Variants in TMEM135 observed in about 807,000 individuals in gnomAD.
TMEM135 encodes transmembrane protein 135.
TMEM135 carries 30 observed loss-of-function variants against 60.3 expected under a neutral mutation model. That is an observed-to-expected ratio of 0.50 (90% CI 0.37 to 0.68). TMEM135 has a LOEUF of 0.68. TMEM135 is among the 30% of genes least tolerant of loss of function. The probability of loss-of-function intolerance (pLI) is 0.00; values close to 1 mark genes in which losing one functional copy is unlikely to be tolerated. For missense variants in TMEM135, 468 were observed against 548.8 expected, an observed-to-expected ratio of 0.85 and a Z score of 1.47; for synonymous variants, 190 against 186.7, an observed-to-expected ratio of 1.02 and a Z score of -0.14.
At chr11:87,286,634 G>A (rs145392413) in intron 6 of TMEM135, among the ~76,000 whole-genome samples, 4 of 152,322 alleles carry the variant, frequency 2.6e-5, no homozygotes, top group Middle Eastern at 3.4e-3. Flanking sequence ...GGTGGGGCTC[G>A]GGCATGGTGG....
chr11:87,268,414 C>T (rs1941797246), intron 6 of TMEM135, among the ~76,000 whole-genome samples: 1 of 151,866 alleles, frequency 6.6e-6, no homozygotes, highest in African/African-American at 2.4e-5. Context: ...CCATGCCAGG[C>T]CCCTGCTCCT....
intron 6 of TMEM135, among the ~76,000 whole-genome samples, chr11:87,249,036 G>A (rs949474945): frequency 3.3e-5 from 5 of 152,096 alleles, no homozygotes; most frequent in African/African-American, 7.2e-5. Flanking sequence ...TCTATCATCT[G>A]CAAAGAAGGA....
intron 6 of TMEM135, among the ~76,000 whole-genome samples, chr11:87,238,607 A>C (rs1941059133): frequency 6.6e-6 from 1 of 151,978 alleles, no homozygotes; most frequent in Admixed American, 6.6e-5. Context: ...TCTTTCCTAT[A>C]TTTTAATAAT....
intron 10 of TMEM135, 32 bp from the exon 11 acceptor site, chr11:87,313,393 A>C (rs1275836612): frequency 4.5e-6 from 7 of 1,550,562 alleles, no homozygotes; most frequent in Non-Finnish European, 5.3e-6. Context: ...GAAATAAAAT[A>C]ACTGAAGTCA....
At chr11:87,046,139 C>G (rs572745974) in intron 1 of TMEM135, among the ~76,000 whole-genome samples, 1 of 152,306 alleles carries the variant, frequency 6.6e-6, no homozygotes, top group South Asian at 2.1e-4. Flanking sequence ...GGCATGGTGG[C>G]TCATGCCTGT....
intron 8 of TMEM135, among the ~76,000 whole-genome samples, chr11:87,304,681 A>G (rs1014150094): frequency 6.6e-6 from 1 of 152,214 alleles, no homozygotes; most frequent in South Asian, 2.1e-4. Flanking sequence ...ATTTCTGTAA[A>G]GGTCTTGCTA....
chr11:87,252,272 C>A (rs192619568), intron 6 of TMEM135, among the ~76,000 whole-genome samples: 10 of 151,704 alleles, frequency 6.6e-5, no homozygotes, highest in African/African-American at 2.2e-4. Context: ...AAACTCTGGT[C>A]CATAATGTCA....
chr11:87,045,409 C>T (rs1363785192), intron 1 of TMEM135, among the ~76,000 whole-genome samples: 1 of 152,092 alleles, frequency 6.6e-6, no homozygotes, highest in Admixed American at 6.5e-5. Context: ...TAGCATGTCG[C>T]TTCCAGTTGA....
chr11:87,283,867 A>G lies in TMEM135; in HGVS notation c.510-11915A>G, dbSNP rs575727118. ...AGCGAGACTCCATCTCAAAAAATAAAAAAAGAAAAGAAATTAATGTTGATT... is the reference window on the plus strand; with the variant it reads ...AGCGAGACTCCATCTCAAAAAATAAGAAAAGAAAAGAAATTAATGTTGATT... On this transcript the variant is annotated intron_variant, in intron 6 of 14. Transcript: ENST00000305494. 2.6e-5 allele frequency among the ~76,000 whole-genome samples: 4 copies of G among 152,354 alleles called. No homozygotes were observed. In the East Asian group the frequency reaches 7.7e-4, roughly 29 times the overall value.
intron 10 of TMEM135, among the ~76,000 whole-genome samples, chr11:87,312,498 A>C (rs562819292): frequency 6.6e-6 from 1 of 151,838 alleles, no homozygotes; most frequent in Non-Finnish European, 1.5e-5. Context: ...AGGTCAACAC[A>C]CTTTTTCTGT....
intron 4 of TMEM135, among the ~76,000 whole-genome samples, chr11:87,124,515 C>T (rs887304250): frequency 1.3e-5 from 2 of 152,104 alleles, no homozygotes; most frequent in African/African-American, 4.8e-5. Flanking sequence ...AGCATTCTTC[C>T]TGAATTAAAG....
intron 10 of TMEM135, among the ~76,000 whole-genome samples, chr11:87,312,381 T>G (rs1942654679): frequency 6.6e-6 from 1 of 151,954 alleles, no homozygotes; most frequent in Non-Finnish European, 1.5e-5. Flanking sequence ...CACTGTACTT[T>G]GAATTTCTCC....
intron 6 of TMEM135, among the ~76,000 whole-genome samples, chr11:87,240,603 A>G (rs1161839326): frequency 6.6e-6 from 1 of 152,104 alleles, no homozygotes; most frequent in Non-Finnish European, 1.5e-5. Context: ...TCAACAATAA[A>G]CATCAAAACT....
rs1035573124 is a variant in TMEM135 at position 87,327,582 on chromosome 11, G to A, written c.*6249G>A. The A allele has an allele frequency of 2.2e-6, 1 of 452,296 alleles. No individual in the cohort carries two copies. The highest frequency in any genetic ancestry group is 4.4e-6 in the Non-Finnish European group (1 of 225,946). 28.0% of individuals were successfully genotyped at this position (452,296 alleles called of 1,614,324 possible). On this transcript the variant is annotated 3_prime_UTR_variant, in exon 15 of 15. Coordinates refer to ENST00000305494, the MANE Select transcript of TMEM135 (RefSeq NM_022918.4). Reference sequence around the variant, plus strand: ...AGACACAGAGAGAGATATGAGAGGGGATTAAGGGAGTTGGCTCATGTGATT... The same window carrying A: ...AGACACAGAGAGAGATATGAGAGGGAATTAAGGGAGTTGGCTCATGTGATT...
chr11:87,252,653 C>G (rs557416135), intron 6 of TMEM135, among the ~76,000 whole-genome samples: 3 of 152,020 alleles, frequency 2.0e-5, no homozygotes, highest in East Asian at 3.9e-4. Flanking sequence ...TGCCTGTAAT[C>G]CCAGCTACTT....
chr11:87,243,214 C>T (rs1417280028), intron 6 of TMEM135, among the ~76,000 whole-genome samples: 1 of 109,562 alleles, frequency 9.1e-6, no homozygotes, highest in African/African-American at 3.6e-5. Context: ...CGATCTATAT[C>T]TCTGTTTTGG....
At chr11:87,308,461 G>T (rs887400686) in intron 9 of TMEM135, among the ~76,000 whole-genome samples, 7 of 152,102 alleles carry the variant, frequency 4.6e-5, no homozygotes, top group Non-Finnish European at 1.0e-4. Flanking sequence ...AAGGCATTAG[G>T]TAGTTTCAGG....
intron 6 of TMEM135, among the ~76,000 whole-genome samples, chr11:87,253,744 T>C (rs1206221334): frequency 1.3e-5 from 2 of 149,536 alleles, no homozygotes; most frequent in Non-Finnish European, 3.0e-5. Context: ...CTGTTAGCAT[T>C]GTTAAGGTAC....
At chr11:87,233,107 C>T (rs1342855962) in intron 5 of TMEM135, among the ~76,000 whole-genome samples, 1 of 152,064 alleles carries the variant, frequency 6.6e-6, no homozygotes, top group Non-Finnish European at 1.5e-5. Flanking sequence ...GCCGAGATTG[C>T]ACCACTGCAC....
Sources: gnomAD v4.1 joint callset for allele counts (sites outside exome capture counted in the v4.1 genomes callset) on GRCh38, gnomAD v4.1.1 for gene constraint, MANE v1.5 for transcripts, NCBI Gene and HGNC (gene_info 2026-07-23, HGNC 2026-07-21) for gene names.